MUSK: variants seen among roughly 807,000 people sequenced by gnomAD.
MUSK encodes the protein muscle, skeletal receptor tyrosine-protein kinase.
A neutral mutation model predicts 88.7 loss-of-function variants in MUSK; 55 were observed. That is an observed-to-expected ratio of 0.62 (90% CI 0.50 to 0.78). The LOEUF (loss-of-function observed/expected upper bound fraction) is 0.78. MUSK is among the 30% of genes least tolerant of loss of function. The pLI is 0.00. For synonymous variants in MUSK, 387 were observed against 391.9 expected (o/e 0.99, Z 0.15); for missense variants, 1,015 against 1,074.3 (o/e 0.94, Z 0.77).
chr9:110,741,225 A>T (rs1175901336), intron 6 of MUSK, among the ~76,000 whole-genome samples: 1 of 152,182 alleles, frequency 6.6e-6, no homozygotes, highest in Non-Finnish European at 1.5e-5. Context: ...TATATATCTC[A>T]AAACATCACC....
At chr9:110,689,773 C>A (rs181474847) in intron 3 of MUSK, among the ~76,000 whole-genome samples, 1 of 74,798 alleles carries the variant, frequency 1.3e-5, no homozygotes, top group African/African-American at 5.8e-5. Flanking sequence ...ATATATATCA[C>A]ATATAGTTTA....
At chr9:110,791,135 G>T (rs112785541) in intron 14 of MUSK, among the ~76,000 whole-genome samples, 3 of 150,964 alleles carry the variant, frequency 2.0e-5, no homozygotes, top group African/African-American at 4.9e-5. Context: ...GAACAGCTCC[G>T]GTCTACAGCT....
intron 7 of MUSK, among the ~76,000 whole-genome samples, chr9:110,756,693 C>G (rs1441990924): frequency 6.6e-6 from 1 of 152,046 alleles, no homozygotes; most frequent in Non-Finnish European, 1.5e-5. Flanking sequence ...TAATTCATCC[C>G]CTTTCTCCTT....
intron 5 of MUSK, among the ~76,000 whole-genome samples, chr9:110,725,558 T>A (rs1375251406): frequency 6.6e-6 from 1 of 152,030 alleles, no homozygotes; most frequent in East Asian, 1.9e-4. Context: ...ATAAGAGCAG[T>A]CATTGATTAT....
intron 10 of MUSK, 45 bp downstream of exon 10, chr9:110,776,008 A>C: frequency 6.5e-7 from 1 of 1,540,156 alleles, no homozygotes; most frequent in Non-Finnish European, 8.7e-7. Flanking sequence ...AGAGAAATTT[A>C]CTATTTTGAA....
intron 3 of MUSK, among the ~76,000 whole-genome samples, chr9:110,694,189 G>C (rs553848114): frequency 3.5e-5 from 5 of 141,504 alleles, no homozygotes; most frequent in Non-Finnish European, 7.6e-5. Context: ...TGACAACAGG[G>C]TGAAACCCCG....
Position 110,747,665 on chromosome 9 carries a change from A to T in MUSK, c.778A>T (p.Ser260Cys), listed in dbSNP as rs752588646. Residue 260 changes from serine (S) to cysteine (C), a missense_variant, in exon 7 of 15, where the codon AGT (serine) becomes TGT (cysteine). Transcript: ENST00000374448. ...GGTTTCTTCTGGGTCCATTCAAGAG[A>T]GTGTGAAAGACCGAGTGATTGACTC... ...NAVSSGSIQE[S>C]VKDRVIDSRL... The T allele has an allele frequency of 6.2e-7, 1 of 1,613,612 alleles. No homozygotes were observed. The highest frequency in any genetic ancestry group is 8.5e-7 in the Non-Finnish European group (1 of 1,179,668).
intron 5 of MUSK, among the ~76,000 whole-genome samples, chr9:110,704,342 C>T (rs752628379): frequency 7.2e-4 from 109 of 152,152 alleles, no homozygotes; most frequent in Non-Finnish European, 1.4e-3. Flanking sequence ...AATTATCTAC[C>T]GTATATGTGA....
chr9:110,748,969 A>T (rs1270724482), intron 7 of MUSK, among the ~76,000 whole-genome samples: 1 of 152,182 alleles, frequency 6.6e-6, no homozygotes, highest in Non-Finnish European at 1.5e-5. Flanking sequence ...CAGGTGGGAA[A>T]TTATTTCTCC....
At chr9:110,776,135 A>G (rs1334684166) in intron 10 of MUSK, among the ~76,000 whole-genome samples, 172 bp downstream of exon 10, 2 of 151,990 alleles carry the variant, frequency 1.3e-5, no homozygotes, top group African/African-American at 4.8e-5. Flanking sequence ...TCCTAATTGT[A>G]CAGATTAGCG....
chr9:110,734,314 T>C lies in MUSK; in HGVS notation c.692T>C (p.Leu231Pro). 1 of 1,613,324 alleles carries C rather than the reference T, an allele frequency of 6.2e-7. No homozygotes were observed. The highest frequency in any genetic ancestry group is 8.5e-7 in the Non-Finnish European group (1 of 1,179,486). ...GTCACCTTTGGCTCCTTTGTGACCCTGCACTGTACAGCAACAGGCATTCCT... is the reference window on the plus strand; with the variant it reads ...GTCACCTTTGGCTCCTTTGTGACCCCGCACTGTACAGCAACAGGCATTCCT... ...HNVTFGSFVT[L>P]HCTATGIPVP... Residue 231 changes from leucine to proline, a missense_variant, in exon 6 of 15, where the codon CTG (leucine) becomes CCG (proline). Transcript: ENST00000374448.
chr9:110,689,947 T>TAAATATA lies in MUSK; in HGVS notation c.358+2682_358+2688dup, dbSNP rs1196319259. On this transcript the variant is annotated intron_variant, in intron 3 of 14. Coordinates refer to ENST00000374448, the MANE Select transcript of MUSK (RefSeq NM_005592.4). ...TAAATATAATATATAAATATATATTTAAATATAAATATATATTTATATATT... is the reference window on the plus strand; with the variant it reads ...TAAATATAATATATAAATATATATTTAAATATAAAATATAAATATATATTTATATATT... Among the ~76,000 whole-genome samples the TAAATATA allele has an allele frequency of 3.3e-5, 3 of 91,060 alleles. No homozygotes were observed. The Admixed American group carries it at 5.6e-4, about 17-fold the overall frequency. The allele number at this position is 91,060 out of a possible 152,430, so 59.7% of individuals were successfully genotyped here.
chr9:110,708,433 C>G (rs1378494621), intron 5 of MUSK, among the ~76,000 whole-genome samples: 1 of 152,098 alleles, frequency 6.6e-6, no homozygotes, highest in Non-Finnish European at 1.5e-5. Context: ...TTCCCGGCAT[C>G]AGTCCTAATT....
chr9:110,690,101 A>G (rs1410223964), intron 3 of MUSK, among the ~76,000 whole-genome samples: 1 of 84,658 alleles, frequency 1.2e-5, no homozygotes, highest in East Asian at 3.2e-4. Context: ...TTATATAAGT[A>G]TAAATATAGA....
intron 8 of MUSK, among the ~76,000 whole-genome samples, chr9:110,765,219 T>C (rs528528303): frequency 1.2e-3 from 187 of 152,338 alleles, no homozygotes; most frequent in Non-Finnish European, 2.1e-3. Flanking sequence ...TGAATAATTC[T>C]CAGCTCGGAG....
chr9:110,766,157 G>A (rs142459280), intron 8 of MUSK, among the ~76,000 whole-genome samples: 1 of 152,144 alleles, frequency 6.6e-6, no homozygotes, highest in Non-Finnish European at 1.5e-5. Context: ...TGGCCTTGAG[G>A]AAAAGGCGTT....
chr9:110,699,877 TAG>T (rs1456317815), intron 5 of MUSK, among the ~76,000 whole-genome samples: 1 of 152,150 alleles, frequency 6.6e-6, no homozygotes, highest in Non-Finnish European at 1.5e-5. Flanking sequence ...CAGGAAAAGA[TAG>T]AGTTTTGTCA....
rs751972431 is a variant in MUSK, at chr9:110,775,833, G to C, written c.1230G>C (p.Trp410Cys). 57 of 1,613,748 alleles carry C rather than the reference G, an allele frequency of 3.5e-5. No homozygotes were observed. The highest frequency in any genetic ancestry group is 4.6e-5 in the Non-Finnish European group (54 of 1,179,838). Residue 410 changes from tryptophan (W) to cysteine (C), a missense_variant, in exon 10 of 15, where the codon TGG (tryptophan) becomes TGC (cysteine). Coordinates refer to ENST00000374448, the MANE Select transcript of MUSK (RefSeq NM_005592.4). ...AVKELFCAKE[W>C]LVMEEKTHRG... ...AGGAGCTCTTCTGCGCAAAAGAATG[G>C]CTGGTAATGGAAGAGAAGACCCACA...
At chr9:110,677,135 T>C (rs532155688) in intron 1 of MUSK, among the ~76,000 whole-genome samples, 79 of 152,312 alleles carry the variant, frequency 5.2e-4, no homozygotes, top group African/African-American at 1.9e-3. Flanking sequence ...TCCAATGTCC[T>C]ACATTTTTGC....
Sources: gnomAD v4.1 joint callset for allele counts (sites outside exome capture counted in the v4.1 genomes callset) on GRCh38, gnomAD v4.1.1 for gene constraint, MANE v1.5 for transcripts, NCBI Gene and HGNC (gene_info 2026-07-23, HGNC 2026-07-21) for gene names.